CCDC192: variants seen among roughly 807,000 people sequenced by gnomAD.
The protein encoded by CCDC192 is coiled-coil domain containing 192.
intron 5 of CCDC192, among the ~76,000 whole-genome samples, chr5:127,808,739 C>CAT (rs1268579300): frequency 6.6e-6 from 1 of 152,176 alleles, no homozygotes; most frequent in East Asian, 1.9e-4. Context: ...TCTCCTTGTG[C>CAT]ATATTCCATG....
At chr5:127,756,963 A>G (rs565723168) in intron 3 of CCDC192, among the ~76,000 whole-genome samples, 20 of 152,372 alleles carry the variant, frequency 1.3e-4, no homozygotes, top group Admixed American at 5.9e-4. Context: ...TAGCTGGATG[A>G]TCTCTTTATA....
intron 5 of CCDC192, among the ~76,000 whole-genome samples, chr5:127,845,913 A>G (rs1197896356): frequency 6.6e-6 from 1 of 152,216 alleles, no homozygotes; most frequent in Non-Finnish European, 1.5e-5. Flanking sequence ...TGTAACCTTT[A>G]TAAAAGCCAG....
chr5:127,741,070 ATTG>A (rs964188375), intron 2 of CCDC192, among the ~76,000 whole-genome samples: 48 of 152,118 alleles, frequency 3.2e-4, no homozygotes, highest in African/African-American at 1.1e-3. Context: ...TGTTGTCGTC[ATTG>A]TTGTTGAGAC....
intron 5 of CCDC192, among the ~76,000 whole-genome samples, chr5:127,862,371 T>C (rs1415460852): frequency 6.6e-6 from 1 of 152,204 alleles, no homozygotes; most frequent in African/African-American, 2.4e-5. Context: ...AGTGCCCTCA[T>C]GGATACAAGC....
chr5:127,729,224 C>A (rs745607080), intron 2 of CCDC192, among the ~76,000 whole-genome samples: 2 of 151,780 alleles, frequency 1.3e-5, no homozygotes, highest in African/African-American at 2.4e-5. Flanking sequence ...TAGTTTCTGA[C>A]AAAACAGACC....
rs1253588361 is a variant in CCDC192 at position 127,816,166 on chromosome 5, A to G, written c.411+18004A>G. On this transcript the variant is annotated intron_variant, in intron 5 of 6. Transcript: ENST00000514853. The stretch of plus-strand genomic sequence containing the variant: ...ATGATTTGGAGTTAGTGTTCTGGAG[A>G]GAGTGACTTAGAAATCAACATACTG... 2.6e-5 allele frequency among the ~76,000 whole-genome samples: 4 copies of G among 152,144 alleles called. No individual in the cohort carries two copies. The East Asian group carries it at 7.7e-4, about 29-fold the overall frequency.
intron 5 of CCDC192, among the ~76,000 whole-genome samples, chr5:127,867,183 C>T (rs541268270): frequency 6.6e-6 from 1 of 152,118 alleles, no homozygotes; most frequent in African/African-American, 2.4e-5. Context: ...ACTTCAATAC[C>T]TCAATTTTCC....
intron 6 of CCDC192, among the ~76,000 whole-genome samples, chr5:127,889,407 C>CTTTCTTTT (rs1561540937): frequency 7.8e-6 from 1 of 128,902 alleles, no homozygotes; most frequent in South Asian, 2.5e-4. Flanking sequence ...TTCTTTCTTT[C>CTTTCTTTT]TTTTTTTTTT....
intron 2 of CCDC192, among the ~76,000 whole-genome samples, chr5:127,737,107 C>G (rs991334731): frequency 3.3e-5 from 5 of 151,572 alleles, no homozygotes; most frequent in Non-Finnish European, 5.9e-5. Context: ...TTGAATGTGT[C>G]CCAGAGATTC....
chr5:127,926,390 C>T (rs116785384), intron 6 of CCDC192, among the ~76,000 whole-genome samples: 1,625 of 152,098 alleles, frequency 0.011, 22 homozygotes, highest in African/African-American at 0.037. Context: ...TGACTTAAAC[C>T]GAGGAGGAAA....
chr5:127,819,975 G>T (rs1329225732), intron 5 of CCDC192, among the ~76,000 whole-genome samples: 1 of 152,000 alleles, frequency 6.6e-6, no homozygotes, highest in East Asian at 1.9e-4. Context: ...AAGCACACAC[G>T]CACACACACT....
chr5:127,800,376 GAA>G (rs1168212422), intron 5 of CCDC192, among the ~76,000 whole-genome samples: 3 of 19,514 alleles, frequency 1.5e-4, no homozygotes, highest in East Asian at 2.9e-3. Flanking sequence ...GAGGTATTCT[GAA>G]AAAAAAAAAA....
intron 6 of CCDC192, among the ~76,000 whole-genome samples, chr5:127,938,844 A>C (rs995897180): frequency 9.9e-5 from 15 of 152,194 alleles, no homozygotes; most frequent in African/African-American, 3.6e-4. Flanking sequence ...GCCAAATGAA[A>C]GGAAAGGTGA....
At chr5:127,868,512 G>T (rs907471127) in intron 5 of CCDC192, among the ~76,000 whole-genome samples, 2 of 152,156 alleles carry the variant, frequency 1.3e-5, no homozygotes, top group African/African-American at 4.8e-5. Context: ...ATACTCAGTG[G>T]TGAAGTCCAT....
chr5:127,711,421 C>G (rs1751328474), intron 2 of CCDC192, among the ~76,000 whole-genome samples: 1 of 152,102 alleles, frequency 6.6e-6, no homozygotes, highest in Non-Finnish European at 1.5e-5. Context: ...AGGAAGTCAG[C>G]TTTATAAAGT....
At chr5:127,740,959 A>T (rs1753379725) in intron 2 of CCDC192, among the ~76,000 whole-genome samples, 1 of 152,242 alleles carries the variant, frequency 6.6e-6, no homozygotes, top group South Asian at 2.1e-4. Context: ...ACACAAAAAA[A>T]GTACCATCTT....
intron 6 of CCDC192, among the ~76,000 whole-genome samples, chr5:127,903,376 G>A (rs546604928): frequency 4.6e-5 from 7 of 152,140 alleles, no homozygotes; most frequent in African/African-American, 1.4e-4. Context: ...CTGAGTAGCT[G>A]GGATTACAGG....
intron 5 of CCDC192, among the ~76,000 whole-genome samples, chr5:127,823,181 G>A (rs367882056): frequency 1.5e-3 from 226 of 152,314 alleles, no homozygotes; most frequent in African/African-American, 5.1e-3. Context: ...ATAGTGCAGC[G>A]ACAGTAATCT....
intron 6 of CCDC192, among the ~76,000 whole-genome samples, chr5:127,912,473 G>A (rs1198900804): frequency 7.6e-6 from 1 of 131,226 alleles, no homozygotes; most frequent in Admixed American, 8.1e-5. Flanking sequence ...TTTTTTAACT[G>A]TAATGTTTAG....
Sources: gnomAD v4.1 joint callset for allele counts (sites outside exome capture counted in the v4.1 genomes callset) on GRCh38, gnomAD v4.1.1 for gene constraint, MANE v1.5 for transcripts, NCBI Gene and HGNC (gene_info 2026-07-23, HGNC 2026-07-21) for gene names.